The following MAK variants were observed in gnomAD, a reference collection of about 807,000 sequenced individuals.
The protein encoded by MAK is serine/threonine-protein kinase MAK.
Under a neutral mutation model 82.6 loss-of-function variants are expected in MAK, and 65 were observed. The ratio of observed to expected loss-of-function variants is 0.79; its 90% confidence interval spans 0.64 to 0.97. The LOEUF (loss-of-function observed/expected upper bound fraction) is 0.97. Ranked by LOEUF, MAK falls within the 50% of genes least tolerant of loss-of-function variation. The pLI is 0.00. For synonymous variants in MAK, 250 were observed against 274.2 expected, an observed-to-expected ratio of 0.91 and a Z score of 0.87; for missense variants, 703 against 780.2, an observed-to-expected ratio of 0.90 and a Z score of 1.18.
intron 4 of MAK, among the ~76,000 whole-genome samples, chr6:10,815,301 T>A (rs1010550842): frequency 2.0e-5 from 3 of 151,994 alleles, no homozygotes; most frequent in Non-Finnish European, 4.4e-5. Context: ...ATTTTTAAAA[T>A]TTTACCTTTT....
At chr6:10,810,415 T>C (rs9379797) in intron 5 of MAK, among the ~76,000 whole-genome samples, 19,660 of 149,056 alleles carry the variant, frequency 0.13, 1,437 homozygotes, top group Middle Eastern at 0.19. Context: ...TCTGGGCTCA[T>C]TGCAACCTCC....
At chr6:10,773,470 T>C (rs1773191898) in intron 12 of MAK, among the ~76,000 whole-genome samples, 1 of 152,176 alleles carries the variant, frequency 6.6e-6, no homozygotes, top group Non-Finnish European at 1.5e-5. Flanking sequence ...AGCCCAAATA[T>C]ATTGATGTCA....
intron 14 of MAK, among the ~76,000 whole-genome samples, chr6:10,768,075 G>A (rs1156300402): frequency 6.6e-6 from 1 of 151,704 alleles, no homozygotes; most frequent in Non-Finnish European, 1.5e-5. Flanking sequence ...GATAAGCAGA[G>A]TAAAGAAATA....
At chr6:10,816,672 C>T (rs552825660) in intron 4 of MAK, among the ~76,000 whole-genome samples, 1 of 152,058 alleles carries the variant, frequency 6.6e-6, no homozygotes, top group Non-Finnish European at 1.5e-5. Flanking sequence ...CACTTACAAG[C>T]GTTTTCATAA....
intron 7 of MAK, among the ~76,000 whole-genome samples, chr6:10,802,723 G>A (rs778601923): frequency 2.0e-5 from 3 of 152,150 alleles, no homozygotes; most frequent in Non-Finnish European, 2.9e-5. Context: ...GGCTGACTGT[G>A]AACAAAGATC....
chr6:10,837,264 G>C (rs1779204388), intron 1 of MAK, among the ~76,000 whole-genome samples: 1 of 152,204 alleles, frequency 6.6e-6, no homozygotes, highest in South Asian at 2.1e-4. Context: ...AACTAACCAA[G>C]TCGAAGTTTT....
rs528861873 is a variant in MAK, at chr6:10,767,951, A to T, written c.1792+2160T>A. Among the ~76,000 whole-genome samples, 5 of 152,292 alleles carry T rather than the reference A, an allele frequency of 3.3e-5. No homozygotes were observed. In the East Asian group the frequency reaches 9.6e-4, roughly 29 times the overall value. On this transcript the variant is annotated intron_variant, in intron 14 of 14. Coordinates refer to ENST00000354489, the MANE Select transcript of MAK (RefSeq NM_001242957.3). Reference sequence around the variant, plus strand: ...GTCACCCAACTGGCATGACTGGAAGACACATCTCTTACAGAACAGTGTTTT... The same window carrying T: ...GTCACCCAACTGGCATGACTGGAAGTCACATCTCTTACAGAACAGTGTTTT...
At chr6:10,816,108 C>G (rs1561992250) in intron 4 of MAK, among the ~76,000 whole-genome samples, 1 of 151,600 alleles carries the variant, frequency 6.6e-6, no homozygotes, top group East Asian at 1.9e-4. Context: ...TGGGTTCAAG[C>G]AATTCTTCTG....
chr6:10,782,348 C>T (rs1304964077), intron 11 of MAK, among the ~76,000 whole-genome samples: 2 of 152,062 alleles, frequency 1.3e-5, no homozygotes, highest in Admixed American at 6.6e-5. Context: ...TTTCTTCAAC[C>T]TCTCAAATAC....
chr6:10,829,769 TC>T (rs773451643), intron 2 of MAK, among the ~76,000 whole-genome samples: 2 of 152,154 alleles, frequency 1.3e-5, no homozygotes, highest in African/African-American at 2.4e-5. Flanking sequence ...AATGTTCTTT[TC>T]CAAGAATGAC....
rs1023435518 is a variant in MAK at position 10,826,937 on chromosome 6, C to T, written c.101+3611G>A. On this transcript the variant is annotated intron_variant, in intron 2 of 14. Coordinates refer to ENST00000354489, the MANE Select transcript of MAK (RefSeq NM_001242957.3). ...GACCAGCCTGACCAACATGGAGAAA[C>T]CCCGTCTCTACTAAAAATGCAAAAT... 3.3e-5 allele frequency among the ~76,000 whole-genome samples: 5 copies of T among 152,006 alleles called. 1 individual carries two copies. Among genetic ancestry groups the T allele is most frequent in the Admixed American group, 2.6e-4 (4 of 15,242 alleles).
chr6:10,779,009 T>C (rs1773710569), intron 11 of MAK, among the ~76,000 whole-genome samples: 1 of 151,276 alleles, frequency 6.6e-6, no homozygotes. Flanking sequence ...GTGCCTGTAG[T>C]CCCAGCTACT....
intron 1 of MAK, among the ~76,000 whole-genome samples, chr6:10,835,094 G>A (rs1402177911): frequency 1.3e-5 from 2 of 152,228 alleles, no homozygotes; most frequent in African/African-American, 4.8e-5. Context: ...GATGATTAAA[G>A]GCCAGGTTCT....
chr6:10,800,222 T>C lies in MAK; in HGVS notation c.831+1670A>G, dbSNP rs554831582. ...CGGAGGTTGCAGTGAGTGGAGATCA[T>C]GCCACTACACTCCAGCCTGGGCAAC... On this transcript the variant is annotated intron_variant, in intron 8 of 14. Transcript: ENST00000354489. This position sits in a 1 kb window ranked among gnomAD's most constrained non-coding sequence, Gnocchi z 4.2. 6.6e-6 allele frequency among the ~76,000 whole-genome samples: 1 copy of C among 150,732 alleles called. No individual in the cohort carries two copies. The highest frequency in any genetic ancestry group is 1.5e-5 in the Non-Finnish European group (1 of 67,708).
chr6:10,830,148 TGTGTGTGTGC>T (rs1164440330), intron 2 of MAK, among the ~76,000 whole-genome samples: 1 of 147,398 alleles, frequency 6.8e-6, no homozygotes, highest in African/African-American at 2.5e-5. Context: ...TGTGTGTGTG[TGTGTGTGTGC>T]GTGTGCACGT....
intron 11 of MAK, chr6:10,779,489 C>T: frequency 1.0e-6 from 1 of 985,220 alleles, no homozygotes; most frequent in Non-Finnish European, 1.2e-6. Flanking sequence ...AGTATAATGT[C>T]ATGCTGCCCT....
chr6:10,787,750 A>T (rs901581312), intron 10 of MAK, among the ~76,000 whole-genome samples: 1 of 151,440 alleles, frequency 6.6e-6, no homozygotes, highest in Non-Finnish European at 1.5e-5. Context: ...AGTCCCAGCT[A>T]CTCGGGAGGC....
chr6:10,805,719 TTAAG>T (rs1160035034), intron 6 of MAK, among the ~76,000 whole-genome samples: 1 of 152,220 alleles, frequency 6.6e-6, no homozygotes, highest in Non-Finnish European at 1.5e-5. Context: ...ACTGATGATG[TTAAG>T]TGAGAACTTA....
chr6:10,797,874 CT>C (rs1775687877), intron 8 of MAK: 1 of 1,283,848 alleles, frequency 7.8e-7, no homozygotes, highest in Admixed American at 2.4e-5. Flanking sequence ...AAAAGCAGGG[CT>C]GTGAAACAGA....
Sources: gnomAD v4.1 joint callset for allele counts (sites outside exome capture counted in the v4.1 genomes callset) on GRCh38, gnomAD v4.1.1 for gene constraint, Gnocchi (gnomAD v3.1) non-coding constraint, MANE v1.5 for transcripts, NCBI Gene and HGNC (gene_info 2026-07-23, HGNC 2026-07-21) for gene names.